SLC35F1: variants seen among roughly 807,000 people sequenced by gnomAD.
SLC35F1 encodes the protein chromosome 6 open reading frame 169.
Under a neutral mutation model 48.7 loss-of-function variants are expected in SLC35F1, and 14 were observed. That is an observed-to-expected ratio of 0.29 (90% CI 0.19 to 0.45). The LOEUF is 0.45. Ranked by LOEUF, SLC35F1 falls within the 20% of genes least tolerant of loss-of-function variation. SLC35F1 has a pLI of 1.00. For synonymous variants in SLC35F1, 190 were observed against 202.2 expected, an observed-to-expected ratio of 0.94 and a Z score of 0.51; for missense variants, 404 against 500.0, an observed-to-expected ratio of 0.81 and a Z score of 1.83.
intron 1 of SLC35F1, among the ~76,000 whole-genome samples, chr6:117,962,209 G>C (rs905093150): frequency 3.3e-5 from 5 of 152,146 alleles, no homozygotes; most frequent in Non-Finnish European, 5.9e-5. Flanking sequence ...AGATGAGCAG[G>C]GGACTGCCTT....
At chr6:118,283,061 T>C (rs283083) in intron 6 of SLC35F1, among the ~76,000 whole-genome samples, 96,472 of 152,048 alleles carry the variant, frequency 0.63, 31,297 homozygotes, top group African/African-American at 0.73. Flanking sequence ...CATTCCTTTC[T>C]GAGACCTGCA....
intron 2 of SLC35F1, among the ~76,000 whole-genome samples, chr6:118,225,144 A>G (rs1775198854): frequency 6.6e-6 from 1 of 152,192 alleles, no homozygotes; most frequent in African/African-American, 2.4e-5. Flanking sequence ...CAAAGTACCA[A>G]TGACATTCTT....
intron 1 of SLC35F1, among the ~76,000 whole-genome samples, chr6:118,097,551 G>C (rs75501974): frequency 0.012 from 1,802 of 152,228 alleles, 31 homozygotes; most frequent in African/African-American, 0.04. Context: ...AAACCATTTT[G>C]GTCTAAATGT....
chr6:117,975,718 T>C (rs1776697394), intron 1 of SLC35F1, among the ~76,000 whole-genome samples: 1 of 152,238 alleles, frequency 6.6e-6, no homozygotes, highest in African/African-American at 2.4e-5. Context: ...TGTGCTATGC[T>C]GAAGTTGTAG....
chr6:118,060,242 G>A (rs1253326939), intron 1 of SLC35F1, among the ~76,000 whole-genome samples: 1 of 152,016 alleles, frequency 6.6e-6, no homozygotes, highest in South Asian at 2.1e-4. Flanking sequence ...TACATAGTAG[G>A]CACTTGATTA....
chr6:118,187,462 T>C lies in SLC35F1; in HGVS notation c.349+32842T>C, dbSNP rs1051347351. ...AACAAAAAGAAGTTGAATTTTTTCC[T>C]GCACTGTTTCACCTTTTGGTCATGA... On this transcript the variant is annotated intron_variant, in intron 2 of 7. Coordinates refer to ENST00000360388, the MANE Select transcript of SLC35F1 (RefSeq NM_001029858.4). Among the ~76,000 whole-genome samples the C allele has an allele frequency of 2.0e-5, 3 of 152,234 alleles. No individual in the cohort carries two copies. The East Asian group carries it at 5.8e-4, about 29-fold the overall frequency.
chr6:118,214,465 G>A (rs1261286800), intron 2 of SLC35F1, among the ~76,000 whole-genome samples: 1 of 152,094 alleles, frequency 6.6e-6, no homozygotes, highest in Admixed American at 6.6e-5. Context: ...TTCATTGTAG[G>A]CCTTTTCTCT....
intron 1 of SLC35F1, among the ~76,000 whole-genome samples, chr6:118,121,549 C>A (rs1773553360): frequency 6.6e-6 from 1 of 152,206 alleles, no homozygotes; most frequent in East Asian, 1.9e-4. Flanking sequence ...CCTTAGTGAA[C>A]TTCCTGAAGG....
At chr6:118,209,613 G>A (rs1277093066) in intron 2 of SLC35F1, among the ~76,000 whole-genome samples, 1 of 152,042 alleles carries the variant, frequency 6.6e-6, no homozygotes, top group African/African-American at 2.4e-5. Flanking sequence ...GAAAACTAAA[G>A]TCTATTAAGG....
intron 7 of SLC35F1, among the ~76,000 whole-genome samples, chr6:118,288,011 GTT>G (rs55797932): frequency 0.013 from 1,920 of 145,330 alleles, 17 homozygotes; most frequent in Non-Finnish European, 0.017. Flanking sequence ...AATGATTTGG[GTT>G]TTTTTTTTTT....
chr6:118,265,282 T>C (rs1314075213), intron 3 of SLC35F1, among the ~76,000 whole-genome samples: 3 of 152,236 alleles, frequency 2.0e-5, no homozygotes, highest in Non-Finnish European at 4.4e-5. Context: ...GGAGACTCTA[T>C]TTTGATGTTT....
intron 2 of SLC35F1, among the ~76,000 whole-genome samples, chr6:118,224,844 CAT>C (rs1488016506): frequency 6.6e-6 from 1 of 152,118 alleles, no homozygotes; most frequent in Non-Finnish European, 1.5e-5. Flanking sequence ...AAGATCATAT[CAT>C]GTGTGTACAA....
intron 2 of SLC35F1, among the ~76,000 whole-genome samples, chr6:118,168,784 T>G (rs1774356470): frequency 6.6e-6 from 1 of 152,210 alleles, no homozygotes; most frequent in African/African-American, 2.4e-5. Context: ...TATACTGAAT[T>G]TAAACTCTTT....
chr6:118,291,880 G>T (rs1466363811), intron 7 of SLC35F1, among the ~76,000 whole-genome samples: 1 of 152,186 alleles, frequency 6.6e-6, no homozygotes, highest in Non-Finnish European at 1.5e-5. Context: ...CATTTTGGGA[G>T]GCTGAGGCAG....
chr6:118,159,996 T>C (rs536073386), intron 2 of SLC35F1, among the ~76,000 whole-genome samples: 1 of 152,348 alleles, frequency 6.6e-6, no homozygotes, highest in South Asian at 2.1e-4. Flanking sequence ...CTAATTCCTT[T>C]TTGTTTTCAC....
chr6:118,312,127 A>G (rs751352922), intron 7 of SLC35F1, among the ~76,000 whole-genome samples: 125 of 152,342 alleles, frequency 8.2e-4, no homozygotes, highest in Non-Finnish European at 1.4e-3. Context: ...AGTGATAACT[A>G]TAAAGCGCTC....
chr6:118,174,672 A>G (rs1774459704), intron 2 of SLC35F1, among the ~76,000 whole-genome samples: 1 of 152,126 alleles, frequency 6.6e-6, no homozygotes, highest in Non-Finnish European at 1.5e-5. Flanking sequence ...ATATTTGTTG[A>G]AACACATCAA....
chr6:118,010,704 TCC>T (rs1052397849), intron 1 of SLC35F1, among the ~76,000 whole-genome samples: 3 of 152,166 alleles, frequency 2.0e-5, no homozygotes, highest in Non-Finnish European at 4.4e-5. Flanking sequence ...TTATTTTTCC[TCC>T]CAGAAACTCA....
rs147117650 is a variant in SLC35F1 at position 118,117,057 on chromosome 6, C to T, written c.174-37388C>T. The stretch of plus-strand genomic sequence containing the variant: ...GGTTTGACTTTGTACATATACAAAC[C>T]CTGTAACTTGAACAAATGACTGTCA... On this transcript the variant is annotated intron_variant, in intron 1 of 7. Coordinates refer to ENST00000360388, the MANE Select transcript of SLC35F1 (RefSeq NM_001029858.4). Among the ~76,000 whole-genome samples the T allele has an allele frequency of 6.6e-3, 1,007 of 152,110 alleles. 8 individuals are homozygous for T. The highest frequency in any genetic ancestry group is 0.014 in the Middle Eastern group (4 of 294).
Sources: allele counts gnomAD v4.1 joint callset (sites outside exome capture counted in the v4.1 genomes callset), GRCh38; gene constraint gnomAD v4.1.1; transcripts MANE v1.5; gene names NCBI Gene and HGNC (gene_info 2026-07-23, HGNC 2026-07-21).